Variants in FBXO34 observed in about 807,000 individuals in gnomAD.
The protein encoded by FBXO34 is F-box protein 34.
In FBXO34, 12 loss-of-function variants were observed where a neutral mutation model predicts 24.5. That is an observed-to-expected ratio of 0.49 (90% CI 0.31 to 0.79). The LOEUF is 0.79. FBXO34 is among the 30% of genes least tolerant of loss of function. The probability of loss-of-function intolerance (pLI) is 0.04; values close to 1 mark genes in which losing one functional copy is unlikely to be tolerated. For missense variants in FBXO34, 823 were observed against 857.7 expected (o/e 0.96, Z 0.51); for synonymous variants, 320 against 311.9 (o/e 1.03, Z -0.27).
chr14:55,305,995 T>C (rs1234861670), intron 1 of FBXO34, among the ~76,000 whole-genome samples: 1 of 152,230 alleles, frequency 6.6e-6, no homozygotes, highest in Non-Finnish European at 1.5e-5. Flanking sequence ...AGTAGTAAAA[T>C]AGTTCAATGT....
intron 1 of FBXO34, among the ~76,000 whole-genome samples, chr14:55,331,161 C>G (rs971246722): frequency 2.6e-5 from 4 of 152,096 alleles, no homozygotes; most frequent in Admixed American, 2.0e-4. Flanking sequence ...TTATAATACC[C>G]TGATCTCTTT....
chr14:55,300,612 T>G (rs1882319022), intron 1 of FBXO34, among the ~76,000 whole-genome samples: 1 of 152,110 alleles, frequency 6.6e-6, no homozygotes, highest in Non-Finnish European at 1.5e-5. Context: ...AGAAACCACG[T>G]TATTTGTTCT....
intron 1 of FBXO34, among the ~76,000 whole-genome samples, chr14:55,344,808 C>T (rs984394860): frequency 6.6e-6 from 1 of 152,002 alleles, no homozygotes; most frequent in African/African-American, 2.4e-5. Flanking sequence ...ACAGTGAGAA[C>T]ATGCGGTGTT....
chr14:55,361,792 C>T (rs1475861512), exon 4 of FBXO34: 1 of 152,252 alleles, frequency 6.6e-6, no homozygotes. Context: ...CCTTCTGCAG[C>T]TTCCTCACTT....
intron 1 of FBXO34, among the ~76,000 whole-genome samples, chr14:55,284,578 GC>G (rs1881692388): frequency 6.9e-6 from 1 of 145,782 alleles, no homozygotes; most frequent in Non-Finnish European, 1.5e-5. Context: ...CAGGGACCTA[GC>G]CTCTGGATTT....
At chr14:55,378,551 TC>T in the FBXO34 span, among the ~76,000 whole-genome samples, 3 of 152,178 alleles carry the variant, frequency 2.0e-5, no homozygotes, top group Non-Finnish European at 4.4e-5. Context: ...CAACTGCCAT[TC>T]TTTTTACCCA....
At chr14:55,407,730 T>A in the FBXO34 span, among the ~76,000 whole-genome samples, 1 of 152,158 alleles carries the variant, frequency 6.6e-6, no homozygotes, top group African/African-American at 2.4e-5. Context: ...AAATAAATAA[T>A]ATTACACATT....
chr14:55,309,975 G>A (rs1202573574), intron 1 of FBXO34, among the ~76,000 whole-genome samples: 1 of 152,180 alleles, frequency 6.6e-6, no homozygotes, highest in East Asian at 1.9e-4. Flanking sequence ...TAGTGATAAT[G>A]AGGCAGCTAT....
chr14:55,415,253 G>T, the FBXO34 span, among the ~76,000 whole-genome samples: 1 of 152,208 alleles, frequency 6.6e-6, no homozygotes, highest in Non-Finnish European at 1.5e-5. Context: ...GGCAAGGAAG[G>T]AAGAAAGGAG....
chr14:55,294,713 C>G (rs764638516), intron 1 of FBXO34, among the ~76,000 whole-genome samples: 10 of 152,106 alleles, frequency 6.6e-5, no homozygotes, highest in Admixed American at 2.0e-4. Flanking sequence ...CATAATTACA[C>G]CGGGGCAAAC....
At chr14:55,347,142 G>T (rs1330221612) in intron 1 of FBXO34, among the ~76,000 whole-genome samples, 1 of 152,164 alleles carries the variant, frequency 6.6e-6, no homozygotes, top group Non-Finnish European at 1.5e-5. Context: ...TTACTTTATT[G>T]CAAGAGAGCA....
chr14:55,373,382 C>T (rs1884859157), downstream of FBXO34, among the ~76,000 whole-genome samples: 1 of 152,102 alleles, frequency 6.6e-6, no homozygotes, highest in South Asian at 2.1e-4. Context: ...GACACAGAAA[C>T]TGCACAAAGG....
At chr14:55,423,167 T>C in the FBXO34 span, among the ~76,000 whole-genome samples, 1 of 152,244 alleles carries the variant, frequency 6.6e-6, no homozygotes, top group African/African-American at 2.4e-5. Flanking sequence ...GATTTCTGTC[T>C]CTGATTACCG....
chr14:55,351,683 T>C lies in FBXO34; in HGVS notation c.1293T>C (p.Ala431=). 3 of 1,614,204 alleles carry C rather than the reference T, an allele frequency of 1.9e-6. No homozygotes were observed. The highest frequency in any genetic ancestry group is 2.5e-6 in the Non-Finnish European group (3 of 1,180,034). ...YSQASELPTD[A]VDCMSRELVS... is the part of the protein sequence containing the mutation. Reference sequence around the variant, plus strand: ...AAGCCTCTGAATTGCCCACAGATGCTGTTGATTGTATGAGCAGAGAGCTTG... The same window carrying C: ...AAGCCTCTGAATTGCCCACAGATGCCGTTGATTGTATGAGCAGAGAGCTTG... Residue 431 remains alanine, a synonymous_variant, in exon 2 of 2, where the codon GCT becomes GCC. Transcript: ENST00000313833.
chr14:55,374,509 G>A (rs1038954527), downstream of FBXO34, among the ~76,000 whole-genome samples: 1 of 152,174 alleles, frequency 6.6e-6, no homozygotes, highest in Non-Finnish European at 1.5e-5. Context: ...GTTTATGGCA[G>A]CTTTCACTAG....
the FBXO34 span, among the ~76,000 whole-genome samples, chr14:55,432,445 A>AAAAAAAAACACC: frequency 6.7e-6 from 1 of 150,244 alleles, no homozygotes; most frequent in Admixed American, 6.6e-5. Context: ...AACAAACAAC[A>AAAAAAAAACACC]AAAAAAACAC....
the FBXO34 span, among the ~76,000 whole-genome samples, chr14:55,406,998 G>T: frequency 6.9e-6 from 1 of 145,818 alleles, no homozygotes; most frequent in Non-Finnish European, 1.5e-5. Context: ...GTCTAGCTCT[G>T]TTGCCCAGGC....
At chr14:55,372,857 G>A (rs951057573), downstream of FBXO34, among the ~76,000 whole-genome samples, 1 of 152,140 alleles carries the variant, frequency 6.6e-6, no homozygotes, top group Admixed American at 6.5e-5. Flanking sequence ...GTGGACTCCG[G>A]TTCTCTGCGT....
chr14:55,363,093 G>A (rs1884615696), downstream of FBXO34, among the ~76,000 whole-genome samples: 1 of 149,710 alleles, frequency 6.7e-6, no homozygotes, highest in South Asian at 2.1e-4. Context: ...CACAATCTTG[G>A]CTCACTGCAA....
Sources: gnomAD v4.1 joint callset for allele counts (sites outside exome capture counted in the v4.1 genomes callset) on GRCh38, gnomAD v4.1.1 for gene constraint, MANE v1.5 for transcripts, NCBI Gene and HGNC (gene_info 2026-07-23, HGNC 2026-07-21) for gene names.